WDR64: variants seen among roughly 807,000 people sequenced by gnomAD.
WDR64 encodes WD repeat-containing protein 64.
A neutral mutation model predicts 139.3 loss-of-function variants in WDR64; 112 were observed. The observed-to-expected ratio is 0.80, with a 90% CI of 0.69 to 0.94. WDR64 has a LOEUF of 0.94. Ranked by LOEUF, WDR64 falls within the 40% of genes least tolerant of loss-of-function variation. WDR64 has a pLI of 0.00. For missense variants in WDR64, 1,206 were observed against 1,293.1 expected, an observed-to-expected ratio of 0.93 and a Z score of 1.03; for synonymous variants, 444 against 437.7, an observed-to-expected ratio of 1.01 and a Z score of -0.18.
At position 241,802,317 on chromosome 1, in the gene WDR64, G is replaced by A. The variant is rs1167764686; in HGVS notation, c.*1102G>A. On this transcript the variant is annotated 3_prime_UTR_variant, in exon 28 of 28. Transcript: ENST00000437684. Reference sequence around the variant, plus strand: ...AAGAATACATGTTGTATGATTCCACGTTTATAAAATTCTACAACAGGAAAG... The same window carrying A: ...AAGAATACATGTTGTATGATTCCACATTTATAAAATTCTACAACAGGAAAG... 2.6e-5 allele frequency among the ~76,000 whole-genome samples: 4 copies of A among 152,006 alleles called. No homozygotes were observed. The highest frequency in any genetic ancestry group is 2.1e-4 in the South Asian group (1 of 4,826).
At chr1:241,763,751 A>T (rs1230377936) in intron 15 of WDR64, among the ~76,000 whole-genome samples, 1 of 152,182 alleles carries the variant, frequency 6.6e-6, no homozygotes, top group African/African-American at 2.4e-5. Flanking sequence ...TTGATTGTGC[A>T]TGGAAATCCT....
chr1:241,711,910 G>T, intron 9 of WDR64, 29 bp downstream of exon 9: 1 of 1,607,894 alleles, frequency 6.2e-7, no homozygotes, highest in Non-Finnish European at 8.5e-7. Context: ...TTACATAGGG[G>T]TTTTCTACTT....
At chr1:241,681,214 C>T (rs1442762653) in intron 6 of WDR64, among the ~76,000 whole-genome samples, 1 of 151,952 alleles carries the variant, frequency 6.6e-6, no homozygotes, top group East Asian at 1.9e-4. Context: ...TTTGGTGCAC[C>T]CATCTCCCAA....
chr1:241,674,803 T>C, intron 4 of WDR64, 56 bp downstream of exon 4: 1 of 1,144,100 alleles, frequency 8.7e-7, no homozygotes, highest in Non-Finnish European at 1.3e-6. Flanking sequence ...ACCAGGTAAT[T>C]TAAAAGCTTG....
chr1:241,790,846 T>C (rs1297414075), intron 25 of WDR64, 150 bp downstream of exon 25: 4 of 680,714 alleles, frequency 5.9e-6, no homozygotes, highest in South Asian at 2.1e-5. Context: ...GCTTAAACAA[T>C]ACAAATTAAT....
rs59974714 is a variant in WDR64, at chr1:241,735,855, CTGTGTGTGTGTG to C, written c.1195-2484_1195-2473del. Among the ~76,000 whole-genome samples the C allele has an allele frequency of 4.5e-3, 326 of 71,704 alleles. 2 individuals carry two copies. Among genetic ancestry groups the C allele is most frequent in the Admixed American group, 7.5e-3 (55 of 7,332 alleles). The allele number at this position is 71,704 out of a possible 152,430, so 47.0% of individuals were successfully genotyped here. A position where few individuals can be genotyped will look rare whatever the true frequency, so the allele number is the denominator to read the frequency against. ...TCTCTCTCTCTCTCTCTCTCTCTCTCTGTGTGTGTGTGTGTGTGTGTGTGTGTGTGTGTGTCT... is the reference window on the plus strand; with the variant it reads ...TCTCTCTCTCTCTCTCTCTCTCTCTCTGTGTGTGTGTGTGTGTGTGTGTCT... On this transcript the variant is annotated intron_variant, in intron 10 of 27. Transcript: ENST00000437684.
At chr1:241,739,597 C>T (rs1669457015) in intron 11 of WDR64, among the ~76,000 whole-genome samples, 1 of 152,242 alleles carries the variant, frequency 6.6e-6, no homozygotes, top group Admixed American at 6.5e-5. Flanking sequence ...AATTTTCTCT[C>T]AGTGCCCCAA....
intron 6 of WDR64, among the ~76,000 whole-genome samples, chr1:241,682,442 T>C (rs1192948699): frequency 6.6e-6 from 1 of 152,234 alleles, no homozygotes; most frequent in African/African-American, 2.4e-5. Flanking sequence ...CTGTTAAGTA[T>C]TTGGATTTAT....
chr1:241,783,297 G>T lies in WDR64; in HGVS notation c.2621G>T (p.Arg874Leu). 1 of 1,613,918 alleles carries T rather than the reference G, an allele frequency of 6.2e-7. No individual in the cohort carries two copies. The highest frequency in any genetic ancestry group is 8.5e-7 in the Non-Finnish European group (1 of 1,179,934). ...AAATTCAAGCAGCTGCTTTCCTGGC[G>T]TGCTCATTCTTTGGAAATTATTCAA... ...EKKFKQLLSW[R>L]AHSLEIIQVI... Residue 874 changes from arginine (R) to leucine (L), a missense_variant, in exon 23 of 28, where the codon CGT (arginine) becomes CTT (leucine). Transcript: ENST00000437684.
At chr1:241,683,387 TAA>T (rs1261453965) in intron 6 of WDR64, 98 bp from the exon 7 acceptor site, 1 of 1,157,298 alleles carries the variant, frequency 8.6e-7, no homozygotes, top group Non-Finnish European at 1.2e-6. Context: ...GTATCTACAA[TAA>T]GAAACAGCGG....
intron 2 of WDR64, among the ~76,000 whole-genome samples, chr1:241,670,158 C>T (rs760968658): frequency 1.4e-4 from 22 of 152,224 alleles, no homozygotes; most frequent in Non-Finnish European, 1.9e-4. Context: ...GAACAGCTAT[C>T]TTATTTTCTT....
chr1:241,666,394 A>G (rs1461986505), intron 2 of WDR64, among the ~76,000 whole-genome samples: 1 of 152,200 alleles, frequency 6.6e-6, no homozygotes, highest in Non-Finnish European at 1.5e-5. Context: ...ATTTTTCTCA[A>G]TAAATTCAAG....
At chr1:241,660,509 A>G (rs1665784328) in intron 1 of WDR64, 21 bp from the exon 2 acceptor site, 3 of 1,549,272 alleles carry the variant, frequency 1.9e-6, no homozygotes, top group Non-Finnish European at 2.6e-6. Context: ...ATGAAAATGG[A>G]CTGTACTTTT....
At chr1:241,725,184 G>A (rs1048643899) in intron 10 of WDR64, among the ~76,000 whole-genome samples, 6 of 152,052 alleles carry the variant, frequency 3.9e-5, no homozygotes, top group Non-Finnish European at 7.4e-5. Flanking sequence ...ACTGCTGGGT[G>A]GAAATAAAAC....
At chr1:241,762,198 G>A (rs949748859) in intron 15 of WDR64, among the ~76,000 whole-genome samples, 1 of 110,080 alleles carries the variant, frequency 9.1e-6, no homozygotes, top group Non-Finnish European at 2.1e-5. Flanking sequence ...TCCACGGGCT[G>A]CAGAAGGAAT....
intron 10 of WDR64, among the ~76,000 whole-genome samples, chr1:241,734,946 C>A (rs1307937099): frequency 4.6e-5 from 7 of 152,148 alleles, no homozygotes; most frequent in Admixed American, 2.0e-4. Flanking sequence ...TCAGAACATA[C>A]CCCTGTCCTT....
Position 241,705,026 on chromosome 1 carries a change from C to T in WDR64, c.975-6776C>T, listed in dbSNP as rs149076967. ...TCTGCCTTCCCCAAAATGGGAGTGG[C>T]GGTTGGGGCGAGAGCTTCTGGTGCT... On this transcript the variant is annotated intron_variant, in intron 8 of 27. Coordinates refer to ENST00000437684, the MANE Select transcript of WDR64 (RefSeq NM_001367482.1). 7.5e-4 allele frequency among the ~76,000 whole-genome samples: 114 copies of T among 152,182 alleles called. 2 individuals carry two copies. In the East Asian group the frequency reaches 0.02, roughly 26 times the overall value.
At chr1:241,748,844 G>A (rs1007455522) in intron 13 of WDR64, among the ~76,000 whole-genome samples, 1 of 151,862 alleles carries the variant, frequency 6.6e-6, no homozygotes, top group Admixed American at 6.6e-5. Context: ...GGAGGCTGAG[G>A]CAGGAGAATG....
At chr1:241,790,468 T>C (rs1659182616) in intron 24 of WDR64, 123 bp from the exon 25 acceptor site, 15 of 743,210 alleles carry the variant, frequency 2.0e-5, no homozygotes, top group Middle Eastern at 2.5e-4. Context: ...GATACTGTCA[T>C]TGGGACTGAT....
Sources: gnomAD v4.1 joint callset for allele counts (sites outside exome capture counted in the v4.1 genomes callset) on GRCh38, gnomAD v4.1.1 for gene constraint, MANE v1.5 for transcripts, NCBI Gene and HGNC (gene_info 2026-07-23, HGNC 2026-07-21) for gene names.